The following DLAT variants were observed in gnomAD, a reference collection of about 807,000 sequenced individuals.
The protein encoded by DLAT is dihydrolipoyllysine-residue acetyltransferase component of pyruvate dehydrogenase complex, mitochondrial.
DLAT carries 43 observed loss-of-function variants against 68.0 expected under a neutral mutation model. The ratio of observed to expected loss-of-function variants is 0.63; its 90% CI spans 0.50 to 0.81. DLAT has a LOEUF of 0.81. DLAT is among the 40% of genes least tolerant of loss of function. The probability of loss-of-function intolerance (pLI) is 0.00; values close to 1 mark genes in which losing one functional copy is unlikely to be tolerated. For missense variants in DLAT, 745 were observed against 815.4 expected (o/e 0.91, Z 1.05); for synonymous variants, 265 against 288.6 (o/e 0.92, Z 0.83).
rs781889318 is a variant in DLAT at position 112,051,176 on chromosome 11, CTTAAAA to C, written c.1399-39_1399-34del. 531 of 1,253,902 alleles carry C rather than the reference CTTAAAA, an allele frequency of 4.2e-4. No homozygotes were observed. The highest frequency in any genetic ancestry group is 1.4e-3 in the East Asian group (58 of 42,168). The allele number at this position is 1,253,902 out of a possible 1,614,324, so 77.7% of individuals were successfully genotyped here. ...GACATTCTGCACATGCACCCTGAAA[CTTAAAA>C]TTAAAATTAAAATTAAAAAAGAAGA... On this transcript the variant is annotated intron_variant, in intron 10 of 13. Coordinates refer to ENST00000280346, the MANE Select transcript of DLAT (RefSeq NM_001931.5). The surrounding 1 kb of genome is among the most constrained non-coding windows in gnomAD (Gnocchi z 4.3).
intron 7 of DLAT, among the ~76,000 whole-genome samples, chr11:112,042,164 A>G (rs1326200598): frequency 6.6e-6 from 1 of 152,226 alleles, no homozygotes; most frequent in African/African-American, 2.4e-5. Context: ...TTTGTTACCC[A>G]TAGTCCAGTG....
At chr11:112,032,282 A>T (rs1862456158) in intron 4 of DLAT, among the ~76,000 whole-genome samples, 1 of 151,842 alleles carries the variant, frequency 6.6e-6, no homozygotes, top group Non-Finnish European at 1.5e-5. Context: ...AAAAAAAATT[A>T]TCAAATAAAA....
chr11:112,026,164 A>T, intron 1 of DLAT, 34 bp from the exon 2 acceptor site: 1 of 1,516,594 alleles, frequency 6.6e-7, no homozygotes, highest in Admixed American at 1.7e-5. Flanking sequence ...GGTAGTCCTT[A>T]AAAATTTTAA....
Position 112,028,613 on chromosome 11 carries a change from A to C in DLAT, c.480A>C (p.Gly160=), listed in dbSNP as rs782125138. 5 of 1,614,056 alleles carry C rather than the reference A, an allele frequency of 3.1e-6. No homozygotes were observed. In the East Asian group the frequency reaches 8.9e-5, roughly 29 times the overall value. ...AAGGTACCAGGGATGTTCCCATCGG[A>C]GCGATCATCTGTATCACAGTTGGCA... ...VAEGTRDVPI[G]AIICITVGKP... The change falls in exon 3 of 14, where the codon GGA becomes GGC. Residue 160 remains glycine, a synonymous_variant. Transcript: ENST00000280346.
chr11:112,027,120 G>A (rs1277620537), intron 2 of DLAT, among the ~76,000 whole-genome samples: 7 of 149,318 alleles, frequency 4.7e-5, no homozygotes, highest in South Asian at 2.1e-4. Flanking sequence ...GCTGCCGGGC[G>A]GAGGGGCTCC....
At chr11:112,060,880 T>C (rs1485802627) in intron 12 of DLAT, among the ~76,000 whole-genome samples, 158 bp from the exon 13 acceptor site, 4 of 152,246 alleles carry the variant, frequency 2.6e-5, no homozygotes, top group African/African-American at 9.6e-5. Flanking sequence ...TTTTTGTTCA[T>C]ATTGTAATGG....
intron 2 of DLAT, among the ~76,000 whole-genome samples, chr11:112,026,704 A>AT (rs1862036181): frequency 6.6e-6 from 1 of 152,150 alleles, no homozygotes; most frequent in Admixed American, 6.5e-5. Context: ...AAAGTCTCCC[A>AT]TGTCTACCTC....
At chr11:112,029,808 G>A (rs1258438976) in intron 4 of DLAT, 1 of 548,950 alleles carries the variant, frequency 1.8e-6, no homozygotes, top group African/African-American at 1.9e-5. Context: ...ACCAAGAAGG[G>A]AAGGCCTAAT....
intron 2 of DLAT, among the ~76,000 whole-genome samples, chr11:112,027,519 A>T (rs1402740525): frequency 1.1e-4 from 17 of 151,886 alleles, no homozygotes; most frequent in Non-Finnish European, 1.8e-4. Context: ...AGAGGCTGCA[A>T]TCTCGGCACT....
intron 4 of DLAT, among the ~76,000 whole-genome samples, chr11:112,030,776 T>C (rs1555179890): frequency 6.6e-6 from 1 of 152,246 alleles, no homozygotes; most frequent in East Asian, 1.9e-4. Flanking sequence ...TAATTCTGAC[T>C]GGCATTTCTC....
At chr11:112,054,969 G>C (rs1863915802) in intron 11 of DLAT, among the ~76,000 whole-genome samples, 1 of 152,066 alleles carries the variant, frequency 6.6e-6, no homozygotes, top group Non-Finnish European at 1.5e-5. Context: ...TGGATTTAGG[G>C]CCACTCAGAT....
In DLAT at chr11:112,051,430, GGAGA is replaced by G; in HGVS notation, c.1514+82_1514+85del. 1 of 1,023,036 alleles carries G rather than the reference GGAGA, an allele frequency of 9.8e-7. No individual in the cohort carries two copies. Among genetic ancestry groups the G allele is most frequent in the Non-Finnish European group, 1.5e-6 (1 of 656,120 alleles). 63.4% of individuals were successfully genotyped at this position (1,023,036 alleles called of 1,614,324 possible). A position where few individuals can be genotyped will look rare whatever the true frequency, so the allele number is the denominator to read the frequency against. On this transcript the variant is annotated intron_variant, in intron 11 of 13. Transcript: ENST00000280346. This position sits in a 1 kb window ranked among gnomAD's most constrained non-coding sequence, Gnocchi z 4.3. ...TGTGTGAGTGGAGTTGAGGGGATAA[GGAGA>G]AATGGAATACAGAGAGGCAGATGAC...
At chr11:112,043,682 C>T (rs1863159576) in intron 8 of DLAT, 149 bp downstream of exon 8, 1 of 824,788 alleles carries the variant, frequency 1.2e-6, no homozygotes, top group Non-Finnish European at 2.1e-6. Context: ...CCTCGGTACC[C>T]ATGAGAGGTT....
At chr11:112,034,039 C>T (rs1363421058) in intron 5 of DLAT, among the ~76,000 whole-genome samples, 1 of 152,188 alleles carries the variant, frequency 6.6e-6, no homozygotes, top group East Asian at 1.9e-4. Flanking sequence ...TAATTTATAA[C>T]AAAAATAATG....
intron 9 of DLAT, 82 bp downstream of exon 9, chr11:112,045,312 T>G (rs1863251830): frequency 8.8e-7 from 1 of 1,140,190 alleles, no homozygotes; most frequent in Non-Finnish European, 1.3e-6. Context: ...TTTAACACAT[T>G]AACAGAGGCT....
intron 2 of DLAT, among the ~76,000 whole-genome samples, chr11:112,027,283 G>A (rs9704546): frequency 0.37 from 50,486 of 135,988 alleles, 9,041 homozygotes; most frequent in East Asian, 0.58. Context: ...GGGTAGAGGC[G>A]CTCCTCACAT....
chr11:112,027,085 C>CT (rs1862077763), intron 2 of DLAT, among the ~76,000 whole-genome samples: 2 of 149,712 alleles, frequency 1.3e-5, no homozygotes, highest in African/African-American at 5.0e-5. Context: ...CGGGCGGAGA[C>CT]GCTCCTCACT....
chr11:112,025,552 A>G lies in DLAT; in HGVS notation c.80A>G (p.Glu27Gly). 2 of 1,613,912 alleles carry G rather than the reference A, an allele frequency of 1.2e-6. No homozygotes were observed. The highest frequency in any genetic ancestry group is 1.3e-5 in the African/African-American group (1 of 75,000). ...GAGGCTCGGTGGACGGCCTTGCAGG[A>G]GGTACCCGGAACTCCACGAGTGACC... Reference protein sequence around the residue: ...GLEARWTALQEVPGTPRVTSR... With the variant: ...GLEARWTALQGVPGTPRVTSR... The change falls in exon 1 of 14, where the codon GAG becomes GGG. Residue 27 changes from glutamate to glycine, a missense_variant. Coordinates refer to ENST00000280346, the MANE Select transcript of DLAT (RefSeq NM_001931.5).
At chr11:112,038,978 T>G (rs797025025) in intron 6 of DLAT, among the ~76,000 whole-genome samples, 23 of 150,430 alleles carry the variant, frequency 1.5e-4, no homozygotes, top group African/African-American at 5.5e-4. Context: ...ATACACTGAT[T>G]GGCAATATTC....
Sources: allele counts gnomAD v4.1 joint callset (sites outside exome capture counted in the v4.1 genomes callset), GRCh38; gene constraint gnomAD v4.1.1; non-coding constraint Gnocchi (gnomAD v3.1); transcripts MANE v1.5; gene names NCBI Gene and HGNC (gene_info 2026-07-23, HGNC 2026-07-21).